Variants in PCDH9 observed in about 807,000 individuals in gnomAD.
The protein encoded by PCDH9 is protocadherin-9.
PCDH9 carries 24 observed loss-of-function variants against 70.6 expected under a neutral mutation model. The observed-to-expected ratio is 0.34, with a 90% CI of 0.25 to 0.48. The LOEUF (loss-of-function observed/expected upper bound fraction) is 0.48, where lower values mean the gene tolerates loss of function less well. PCDH9 is among the 20% of genes least tolerant of loss of function. The probability of loss-of-function intolerance (pLI) is 0.99; values close to 1 mark genes in which losing one functional copy is unlikely to be tolerated. For synonymous variants in PCDH9, 562 were observed against 558.5 expected (o/e 1.01, Z -0.09); for missense variants, 1,281 against 1,503.6 (o/e 0.85, Z 2.45).
chr13:67,160,412 T>A (rs59484997), intron 2 of PCDH9, among the ~76,000 whole-genome samples: 1 of 151,944 alleles, frequency 6.6e-6, no homozygotes, highest in African/African-American at 2.4e-5. Flanking sequence ...CCGGGCGTGG[T>A]GGCGGGCGCC....
intron 2 of PCDH9, among the ~76,000 whole-genome samples, chr13:67,059,594 G>C (rs934884654): frequency 4.6e-5 from 7 of 151,596 alleles, no homozygotes; most frequent in Non-Finnish European, 1.0e-4. Flanking sequence ...CTTGGGAAGA[G>C]AGTCCAGGCA....
At chr13:66,538,573 G>T (rs1960806741) in intron 4 of PCDH9, among the ~76,000 whole-genome samples, 1 of 152,038 alleles carries the variant, frequency 6.6e-6, no homozygotes, top group Non-Finnish European at 1.5e-5. Flanking sequence ...GCTGCAATTT[G>T]AGTCCAAAGG....
intron 3 of PCDH9, among the ~76,000 whole-genome samples, chr13:66,710,456 T>A (rs2078777217): frequency 6.6e-6 from 1 of 152,180 alleles, no homozygotes; most frequent in Admixed American, 6.5e-5. Flanking sequence ...ATGAAAGATA[T>A]GTTTTCCAAC....
At chr13:66,390,283 C>T (rs974903283) in intron 4 of PCDH9, among the ~76,000 whole-genome samples, 1 of 151,992 alleles carries the variant, frequency 6.6e-6, no homozygotes, top group South Asian at 2.1e-4. Flanking sequence ...ACTATTGGTC[C>T]GTCTCATGGC....
intron 3 of PCDH9, among the ~76,000 whole-genome samples, chr13:66,657,562 T>G (rs986432183): frequency 1.1e-4 from 16 of 152,202 alleles, no homozygotes; most frequent in African/African-American, 3.1e-4. Context: ...ACAAAAATTC[T>G]CATTCTCTGT....
chr13:66,772,805 A>C (rs965946891), intron 3 of PCDH9, among the ~76,000 whole-genome samples: 1 of 152,288 alleles, frequency 6.6e-6, no homozygotes, highest in Non-Finnish European at 1.5e-5. Flanking sequence ...ATTACAAAGC[A>C]TACCAATGTC....
chr13:66,737,489 G>A (rs1171477787), intron 3 of PCDH9, among the ~76,000 whole-genome samples: 1 of 152,222 alleles, frequency 6.6e-6, no homozygotes, highest in Non-Finnish European at 1.5e-5. Flanking sequence ...AGAGGGGGGA[G>A]GAGCCAAGAT....
chr13:66,392,861 G>A (rs1957042688), intron 4 of PCDH9, among the ~76,000 whole-genome samples: 1 of 149,432 alleles, frequency 6.7e-6, no homozygotes, highest in African/African-American at 2.5e-5. Context: ...CAAAGGAGCA[G>A]AGTAGGGTAA....
At chr13:66,468,541 C>A (rs1958557961) in intron 4 of PCDH9, among the ~76,000 whole-genome samples, 1 of 152,104 alleles carries the variant, frequency 6.6e-6, no homozygotes, top group African/African-American at 2.4e-5. Flanking sequence ...ATGTCTTACA[C>A]TTCATGACAA....
intron 4 of PCDH9, among the ~76,000 whole-genome samples, chr13:66,475,998 T>C (rs1323446772): frequency 6.6e-6 from 1 of 152,044 alleles, no homozygotes; most frequent in African/African-American, 2.4e-5. Context: ...TTCACAGTTT[T>C]AGGTTGAATG....
In PCDH9 at chr13:67,172,902, G is replaced by T. The variant is rs934565379; in HGVS notation, c.3036+52503C>A. ...CAAAAAAAAAAAAAAAAAAAGGATG[G>T]TATTGGCAGTTTATCCAAACATTCA... On this transcript the variant is annotated intron_variant, in intron 2 of 4. Transcript: ENST00000377865. Among the ~76,000 whole-genome samples, 10 of 148,396 alleles carry T rather than the reference G, an allele frequency of 6.7e-5. No individual in the cohort carries two copies. The East Asian group carries it at 7.8e-4, about 12-fold the overall frequency.
rs17081374 is a variant in PCDH9 at position 66,500,784 on chromosome 13, A to G, written c.3340+130426T>C. On this transcript the variant is annotated intron_variant, in intron 4 of 4. Coordinates refer to ENST00000377865, the MANE Select transcript of PCDH9 (RefSeq NM_203487.3). ...TGTTTCTATTTTATTTCTATCATCT[A>G]CATTTCATTGAAATTCTAATATCAC... 1.7e-3 allele frequency among the ~76,000 whole-genome samples: 257 copies of G among 152,216 alleles called. 3 individuals are homozygous for G. In the East Asian group the frequency reaches 0.042, roughly 25 times the overall value.
intron 2 of PCDH9, among the ~76,000 whole-genome samples, chr13:67,060,981 A>G (rs1799207011): frequency 6.6e-6 from 1 of 152,126 alleles, no homozygotes. Flanking sequence ...TTTAAAAATC[A>G]TGATTAAAGA....
intron 3 of PCDH9, among the ~76,000 whole-genome samples, chr13:66,815,469 C>T (rs1359667182): frequency 6.6e-6 from 1 of 152,160 alleles, no homozygotes; most frequent in Non-Finnish European, 1.5e-5. Context: ...GACACACGCA[C>T]AGGTAGATTC....
chr13:66,911,299 A>T (rs1455529342), intron 2 of PCDH9, among the ~76,000 whole-genome samples: 1 of 152,180 alleles, frequency 6.6e-6, no homozygotes, highest in African/African-American at 2.4e-5. Context: ...CTGCTAAATG[A>T]ATAAATAAAA....
At chr13:66,690,847 T>C (rs2078473406) in intron 3 of PCDH9, among the ~76,000 whole-genome samples, 1 of 152,184 alleles carries the variant, frequency 6.6e-6, no homozygotes, top group Non-Finnish European at 1.5e-5. Flanking sequence ...CTGTGAATAA[T>C]CTAACTACAT....
intron 3 of PCDH9, among the ~76,000 whole-genome samples, chr13:66,801,028 T>TTC (rs1555270314): frequency 2.0e-5 from 3 of 150,558 alleles, no homozygotes; most frequent in Admixed American, 2.0e-4. Flanking sequence ...TTTTTTTTTT[T>TTC]CGCCACAGCA....
chr13:66,714,275 C>A (rs2078839176), intron 3 of PCDH9, among the ~76,000 whole-genome samples: 1 of 151,890 alleles, frequency 6.6e-6, no homozygotes, highest in Non-Finnish European at 1.5e-5. Flanking sequence ...ACCATCCTGG[C>A]TAACACTGTG....
At chr13:66,370,284 A>G (rs1226198455) in intron 4 of PCDH9, among the ~76,000 whole-genome samples, 1 of 151,952 alleles carries the variant, frequency 6.6e-6, no homozygotes, top group Non-Finnish European at 1.5e-5. Context: ...TCTGTGGGAG[A>G]GTAGAAGCTT....
Sources: allele counts gnomAD v4.1 joint callset (sites outside exome capture counted in the v4.1 genomes callset), GRCh38; gene constraint gnomAD v4.1.1; transcripts MANE v1.5; gene names NCBI Gene and HGNC (gene_info 2026-07-23, HGNC 2026-07-21).